Variants in FBXO7 observed in about 807,000 individuals in gnomAD.
The protein encoded by FBXO7 is F-box only protein 7.
FBXO7 carries 31 observed loss-of-function variants against 50.2 expected under a neutral mutation model. That is an observed-to-expected ratio of 0.62 (90% CI 0.46 to 0.83). The LOEUF (loss-of-function observed/expected upper bound fraction) is 0.83, where lower values mean the gene tolerates loss of function less well. FBXO7 is among the 40% of genes least tolerant of loss of function. The pLI, the probability that FBXO7 is intolerant of heterozygous loss-of-function variation, is 0.00. For missense variants in FBXO7, 667 were observed against 646.6 expected (o/e 1.03, Z -0.34); for synonymous variants, 256 against 253.1 (o/e 1.01, Z -0.11).
At chr22:32,491,205 A>G (rs1260360928) in intron 6 of FBXO7, 24 bp downstream of exon 6, 4 of 1,452,390 alleles carry the variant, frequency 2.8e-6, no homozygotes, top group East Asian at 2.3e-5. Context: ...TACTGTCACA[A>G]TTTAAATGAC....
In FBXO7 at chr22:32,478,961, T is replaced by G. The variant is rs747086405; in HGVS notation, c.123-20T>G. Reference sequence around the variant, plus strand: ...TAGAAGTAGGTAGTTCTTACTATGCTTATCTGTCTTTCTTGGCAGTTCTAA... The same window carrying G: ...TAGAAGTAGGTAGTTCTTACTATGCGTATCTGTCTTTCTTGGCAGTTCTAA... On this transcript the variant is annotated intron_variant, in intron 1 of 8. Transcript: ENST00000266087. The G allele has an allele frequency of 5.6e-6, 9 of 1,612,702 alleles. No homozygotes were observed. The highest frequency in any genetic ancestry group is 2.7e-5 in the African/African-American group (2 of 74,902).
Position 32,479,136 on chromosome 22 carries a change from C to G in FBXO7, c.278C>G (p.Ser93Ter). Residue 93 changes from serine (S) to a stop codon, truncating the protein, a stop_gained, in exon 2 of 9, where the codon TCA becomes TGA. Transcript: ENST00000266087. LOFTEE classifies it high-confidence loss of function. Reference sequence around the variant, plus strand: ...CCTAATATACCTTCATCCACAGATTCAGAGCATTCTTCACTCCAGAATAAT... The same window carrying G: ...CCTAATATACCTTCATCCACAGATTGAGAGCATTCTTCACTCCAGAATAAT... ...PAPNIPSSTD[S>*]EHSSLQNNEQ... The G allele has an allele frequency of 2.5e-6, 4 of 1,614,144 alleles. No homozygotes were observed. The South Asian group carries it at 4.4e-5, about 18-fold the overall frequency.
intron 2 of FBXO7, among the ~76,000 whole-genome samples, chr22:32,479,564 T>G (rs555049725): frequency 2.0e-5 from 3 of 152,024 alleles, no homozygotes; most frequent in South Asian, 2.1e-4. Context: ...GCCCAGCTAA[T>G]TTTTGTATTT....
rs542465300 is a variant in FBXO7, at chr22:32,475,352, C to T, written c.122+228C>T. On this transcript the variant is annotated intron_variant, in intron 1 of 8. Transcript: ENST00000266087. Reference sequence around the variant, plus strand: ...GCGGGTGGTCGGCTGGGGTCCGGCTCCTGGAGAACATGGCCCGGCCTCCCG... The same window carrying T: ...GCGGGTGGTCGGCTGGGGTCCGGCTTCTGGAGAACATGGCCCGGCCTCCCG... The T allele has an allele frequency of 1.7e-5, 28 of 1,609,068 alleles. No individual in the cohort carries two copies. The South Asian group carries it at 2.9e-4, about 17-fold the overall frequency.
chr22:32,485,756 T>A (rs968281951), intron 4 of FBXO7, among the ~76,000 whole-genome samples: 20 of 152,204 alleles, frequency 1.3e-4, no homozygotes, highest in Non-Finnish European at 2.6e-4. Flanking sequence ...TGTCACTCTG[T>A]ATGAATAACT....
rs1011399377 is a variant in FBXO7, at chr22:32,479,080, A to G, written c.222A>G (p.Ile74Met). Residue 74 changes from isoleucine to methionine, a missense_variant, in exon 2 of 9, where the codon ATA (isoleucine) becomes ATG (methionine). Transcript: ENST00000266087. Reference protein sequence around the residue: ...ASYGIVSGDLICLILQDDIPA... With the variant: ...ASYGIVSGDLMCLILQDDIPA... ...ATGGGATTGTTTCTGGGGACTTGATATGTTTGATTCTTCAAGATGACATTC... is the reference window on the plus strand; with the variant it reads ...ATGGGATTGTTTCTGGGGACTTGATGTGTTTGATTCTTCAAGATGACATTC... 19 of 1,614,046 alleles carry G rather than the reference A, an allele frequency of 1.2e-5. No individual in the cohort carries two copies. Among genetic ancestry groups the G allele is most frequent in the Middle Eastern group, 1.6e-4 (1 of 6,084 alleles).
At chr22:32,479,647 G>A (rs892627581) in intron 2 of FBXO7, among the ~76,000 whole-genome samples, 3 of 151,882 alleles carry the variant, frequency 2.0e-5, no homozygotes, top group African/African-American at 7.3e-5. Flanking sequence ...TGCCCTCCTC[G>A]GCCTCCCAAA....
chr22:32,484,801 AAG>A (rs1414990847), intron 3 of FBXO7, among the ~76,000 whole-genome samples: 1 of 152,184 alleles, frequency 6.6e-6, no homozygotes, highest in Non-Finnish European at 1.5e-5. Flanking sequence ...TGAGTCTTTG[AAG>A]AGAGAGATCA....
At chr22:32,497,830 T>A (rs1047292108) in intron 8 of FBXO7, among the ~76,000 whole-genome samples, 1 of 152,248 alleles carries the variant, frequency 6.6e-6, no homozygotes, top group African/African-American at 2.4e-5. Context: ...CAAGACCCTC[T>A]ATTAGCAAAA....
intron 5 of FBXO7, 41 bp downstream of exon 5, chr22:32,487,869 G>A: frequency 1.6e-6 from 2 of 1,238,384 alleles, no homozygotes; most frequent in Non-Finnish European, 2.4e-6. Context: ...GAAACTCTGT[G>A]AAATTCATAT....
At chr22:32,492,991 A>G (rs1046058047) in intron 6 of FBXO7, 114 bp from the exon 7 acceptor site, 12 of 994,208 alleles carry the variant, frequency 1.2e-5, no homozygotes, top group East Asian at 1.2e-4. Context: ...TAAGAGTACC[A>G]TCTAATTTTC....
At position 32,498,272 on chromosome 22, in the gene FBXO7, C is replaced by A. The variant is rs764970972; in HGVS notation, c.1311C>A (p.Ser437=). The change falls in exon 9 of 9, where the codon TCC becomes TCA. Residue 437 remains serine (S), a synonymous_variant. Coordinates refer to ENST00000266087, the MANE Select transcript of FBXO7 (RefSeq NM_012179.4). ...TGCACCCTAGGCCATTTCCTAGCTC[C>A]CGCCTTCCTCCAGGAATTATCGGGG... The part of the protein sequence containing the change: ...NPLHPRPFPS[S]RLPPGIIGGE... 1 of 1,614,178 alleles carries A rather than the reference C, an allele frequency of 6.2e-7. No individual in the cohort carries two copies. Among genetic ancestry groups the A allele is most frequent in the Non-Finnish European group, 8.5e-7 (1 of 1,180,032 alleles).
At chr22:32,480,586 AC>A (rs1281651319) in intron 2 of FBXO7, among the ~76,000 whole-genome samples, 1 of 151,920 alleles carries the variant, frequency 6.6e-6, no homozygotes, top group Non-Finnish European at 1.5e-5. Flanking sequence ...GCCCTTGCCA[AC>A]CATAGCCCAA....
intron 2 of FBXO7, among the ~76,000 whole-genome samples, chr22:32,479,977 G>A (rs1029003527): frequency 1.3e-5 from 2 of 152,160 alleles, no homozygotes; most frequent in African/African-American, 4.8e-5. Flanking sequence ...GACTTTAGAT[G>A]TTGAACATAA....
At position 32,485,391 on chromosome 22, in the gene FBXO7, A is replaced by G. The variant is rs139055777; in HGVS notation, c.787+182A>G. Among the ~76,000 whole-genome samples, 867 of 152,146 alleles carry G rather than the reference A, an allele frequency of 5.7e-3. 2 individuals are homozygous for G. Among genetic ancestry groups the G allele is most frequent in the African/African-American group, 0.02 (823 of 41,496 alleles). On this transcript the variant is annotated intron_variant, in intron 4 of 8. Coordinates refer to ENST00000266087, the MANE Select transcript of FBXO7 (RefSeq NM_012179.4). ...AAGATCATGGAATATGAGGTTGTTG[A>G]GTTGTTTAGGCCAGCACCCTTCATT...
intron 2 of FBXO7, among the ~76,000 whole-genome samples, chr22:32,480,749 A>G (rs2057459455): frequency 6.6e-6 from 1 of 151,720 alleles, no homozygotes; most frequent in African/African-American, 2.4e-5. Flanking sequence ...AGCTCACTGC[A>G]ACCCTACCCT....
rs559282204 is a variant in FBXO7 at position 32,484,911 on chromosome 22, A to G, written c.646-157A>G. On this transcript the variant is annotated intron_variant, in intron 3 of 8. Coordinates refer to ENST00000266087, the MANE Select transcript of FBXO7 (RefSeq NM_012179.4). ...TTATACAATATGGTTATCCTACAAT[A>G]TAAAATATATTGGCAATGTTAATGA... Among the ~76,000 whole-genome samples, 3 of 152,352 alleles carry G rather than the reference A, an allele frequency of 2.0e-5. No homozygotes were observed. In the East Asian group the frequency reaches 5.8e-4, roughly 29 times the overall value.
chr22:32,475,389 C>T, intron 1 of FBXO7: 1 of 1,611,438 alleles, frequency 6.2e-7, no homozygotes, highest in Non-Finnish European at 8.5e-7. Context: ...GGGCTCTGGT[C>T]CCCTCCTCGG....
intron 3 of FBXO7, among the ~76,000 whole-genome samples, chr22:32,484,602 T>TA (rs899788095): frequency 2.6e-5 from 4 of 152,012 alleles, no homozygotes; most frequent in African/African-American, 9.7e-5. Flanking sequence ...GAGAGATGAA[T>TA]AAAAAGATAC....
Sources: allele counts gnomAD v4.1 joint callset (sites outside exome capture counted in the v4.1 genomes callset), GRCh38; gene constraint gnomAD v4.1.1; transcripts MANE v1.5; gene names NCBI Gene and HGNC (gene_info 2026-07-23, HGNC 2026-07-21).